The following DIS3L2 variants were observed in gnomAD, a reference collection of about 807,000 sequenced individuals.
The protein encoded by DIS3L2 is DIS3 like 3'-5' exoribonuclease 2, also known as DIS3-like exonuclease 2.
DIS3L2 carries 34 observed loss-of-function variants against 97.5 expected under a neutral mutation model. That is an observed-to-expected ratio of 0.35 (90% CI 0.27 to 0.46). The LOEUF is 0.46. Ranked by LOEUF, DIS3L2 falls within the 20% of genes least tolerant of loss-of-function variation. The probability of loss-of-function intolerance (pLI) is 1.00; values close to 1 mark genes in which losing one functional copy is unlikely to be tolerated. For synonymous variants in DIS3L2, 435 were observed against 445.2 expected (o/e 0.98, Z 0.29); for missense variants, 1,038 against 1,146.0 (o/e 0.91, Z 1.36).
At chr2:232,073,297 C>T (rs779025475) in intron 5 of DIS3L2, among the ~76,000 whole-genome samples, 5 of 152,180 alleles carry the variant, frequency 3.3e-5, no homozygotes, top group Non-Finnish European at 7.3e-5. Context: ...GCTGGACTTC[C>T]TGACATGCTT....
intron 8 of DIS3L2, among the ~76,000 whole-genome samples, chr2:232,147,893 C>G (rs1690261116): frequency 6.6e-6 from 1 of 152,038 alleles, no homozygotes; most frequent in Admixed American, 6.6e-5. Context: ...CAGAAGAGTT[C>G]ATGACTAAGT....
At position 232,163,612 on chromosome 2, in the gene DIS3L2, C is replaced by T. The variant is rs1394751981; in HGVS notation, c.1104C>T (p.Phe368=). The T allele has an allele frequency of 6.2e-7, 1 of 1,613,574 alleles. No homozygotes were observed. Among genetic ancestry groups the T allele is most frequent in the East Asian group, 2.2e-5 (1 of 44,890 alleles). Residue 368 remains phenylalanine, a synonymous_variant, in exon 9 of 21, where the codon TTC becomes TTT. Transcript: ENST00000325385. ...GLPWTIPPEE[F]SKRRDLRKDC... Reference sequence around the variant, plus strand: ...CATGGACAATTCCACCAGAGGAGTTCAGCAAGAGAAGGGATTTAAGGTAAG... The same window carrying T: ...CATGGACAATTCCACCAGAGGAGTTTAGCAAGAGAAGGGATTTAAGGTAAG...
At chr2:232,195,557 G>A (rs990575873) in intron 9 of DIS3L2, among the ~76,000 whole-genome samples, 6 of 148,296 alleles carry the variant, frequency 4.0e-5, no homozygotes, top group Non-Finnish European at 9.0e-5. Flanking sequence ...GGTGCGGTGG[G>A]GTGGGGTGGG....
intron 9 of DIS3L2, among the ~76,000 whole-genome samples, chr2:232,182,614 G>C (rs955043679): frequency 2.0e-5 from 3 of 152,078 alleles, no homozygotes; most frequent in Non-Finnish European, 2.9e-5. Context: ...ATGCATGTGT[G>C]TTTATAATTG....
chr2:232,071,468 G>A (rs1211393652), intron 5 of DIS3L2, among the ~76,000 whole-genome samples: 2 of 151,978 alleles, frequency 1.3e-5, no homozygotes, highest in African/African-American at 4.8e-5. Flanking sequence ...GCTGCAGTGA[G>A]CTGTGATCAC....
At chr2:232,058,929 C>T (rs998586606) in intron 5 of DIS3L2, among the ~76,000 whole-genome samples, 36 of 152,028 alleles carry the variant, frequency 2.4e-4, no homozygotes, top group Admixed American at 1.0e-3. Context: ...TTTATTTGTG[C>T]CCATTTTCTT....
At chr2:232,135,098 C>T (rs1364111364) in intron 7 of DIS3L2, among the ~76,000 whole-genome samples, 1 of 152,020 alleles carries the variant, frequency 6.6e-6, no homozygotes, top group African/African-American at 2.4e-5. Flanking sequence ...GAGGTGTGGC[C>T]ATGAGGACAA....
At chr2:232,017,388 C>T (rs1694386627) in intron 3 of DIS3L2, among the ~76,000 whole-genome samples, 1 of 152,184 alleles carries the variant, frequency 6.6e-6, no homozygotes, top group Non-Finnish European at 1.5e-5. Flanking sequence ...CATGAGCCAC[C>T]ACACCCAGCC....
At chr2:232,237,842 A>G (rs1313731029) in intron 10 of DIS3L2, among the ~76,000 whole-genome samples, 2 of 152,166 alleles carry the variant, frequency 1.3e-5, no homozygotes, top group Admixed American at 6.5e-5. Context: ...TATCCCAAGC[A>G]TAGGAAAAAG....
chr2:231,971,596 C>T (rs990534125), intron 1 of DIS3L2, among the ~76,000 whole-genome samples: 3 of 152,064 alleles, frequency 2.0e-5, no homozygotes, highest in African/African-American at 7.2e-5. Flanking sequence ...TACAGGCGCC[C>T]GCCACCACCC....
chr2:232,247,616 C>CGAGGGGGGGGGGGGGGGGGGGG (rs1693289516), intron 11 of DIS3L2, among the ~76,000 whole-genome samples: 1 of 6,518 alleles, frequency 1.5e-4, no homozygotes, highest in African/African-American at 3.1e-4. Context: ...ATAACTGCCG[C>CGAGGGGGGGGGGGGGGGGGGGG]GGGGGGGGGG....
intron 13 of DIS3L2, among the ~76,000 whole-genome samples, chr2:232,277,594 A>G (rs2106297031): frequency 6.6e-6 from 1 of 152,316 alleles, no homozygotes; most frequent in Non-Finnish European, 1.5e-5. Context: ...AAAAGCAGCC[A>G]TTGTTCACCT....
At chr2:232,106,991 G>A (rs1258374820) in intron 6 of DIS3L2, among the ~76,000 whole-genome samples, 1 of 152,176 alleles carries the variant, frequency 6.6e-6, no homozygotes, top group Non-Finnish European at 1.5e-5. Context: ...TAAACAACCT[G>A]CTCCTGAATG....
At chr2:232,296,083 C>G (rs759610588) in intron 13 of DIS3L2, among the ~76,000 whole-genome samples, 2 of 152,246 alleles carry the variant, frequency 1.3e-5, no homozygotes, top group Non-Finnish European at 2.9e-5. Context: ...AGATGCCTCC[C>G]AGGTATGTTA....
At chr2:232,066,434 A>G (rs970058459) in intron 5 of DIS3L2, among the ~76,000 whole-genome samples, 1 of 152,000 alleles carries the variant, frequency 6.6e-6, no homozygotes, top group African/African-American at 2.4e-5. Context: ...TGATTTTAAA[A>G]TGTTAAATTA....
chr2:232,251,305 C>T (rs1161860618), intron 12 of DIS3L2, among the ~76,000 whole-genome samples: 1 of 152,052 alleles, frequency 6.6e-6, no homozygotes, highest in Admixed American at 6.5e-5. Context: ...GTAGCTGTAT[C>T]ACAAAATCTT....
At chr2:232,195,291 T>C (rs11684247) in intron 9 of DIS3L2, among the ~76,000 whole-genome samples, 2,719 of 152,310 alleles carry the variant, frequency 0.018, 26 homozygotes, top group Non-Finnish European at 0.022. Context: ...TTCTTGCCCA[T>C]TGCCCAGATA....
intron 6 of DIS3L2, chr2:232,111,206 T>C: frequency 2.1e-6 from 1 of 471,140 alleles, no homozygotes. Flanking sequence ...GACAATGAAA[T>C]TGAGGCTCAG....
intron 5 of DIS3L2, among the ~76,000 whole-genome samples, chr2:232,036,926 C>T (rs887777513): frequency 1.3e-5 from 2 of 152,164 alleles, no homozygotes; most frequent in Admixed American, 6.5e-5. Context: ...CGCCAGATGC[C>T]AGCTGGAGCT....
Sources: gnomAD v4.1 joint callset for allele counts (sites outside exome capture counted in the v4.1 genomes callset) on GRCh38, gnomAD v4.1.1 for gene constraint, MANE v1.5 for transcripts, NCBI Gene and HGNC (gene_info 2026-07-23, HGNC 2026-07-21) for gene names.